Variants in CDH13 observed in about 807,000 individuals in gnomAD.
CDH13 encodes the protein cadherin-13.
CDH13 carries 24 observed loss-of-function variants against 63.8 expected under a neutral mutation model. That is an observed-to-expected ratio of 0.38 (90% CI 0.27 to 0.53). The LOEUF is 0.53. Among genes scored for constraint, CDH13 ranks in the 20% least tolerant of loss-of-function variants. The probability of loss-of-function intolerance (pLI) is 0.85; values close to 1 mark genes in which losing one functional copy is unlikely to be tolerated. For synonymous variants in CDH13, 503 were observed against 355.3 expected, an observed-to-expected ratio of 1.42 and a Z score of -4.67; for missense variants, 1,049 against 903.1, an observed-to-expected ratio of 1.16 and a Z score of -2.07.
At chr16:83,335,872 T>G (rs77343960) in intron 5 of CDH13, among the ~76,000 whole-genome samples, 1 of 152,112 alleles carries the variant, frequency 6.6e-6, no homozygotes. Flanking sequence ...AATTGCTCAC[T>G]TGGGGGGCTT....
intron 6 of CDH13, among the ~76,000 whole-genome samples, chr16:83,462,699 TAAGTC>T (rs1231375855): frequency 6.6e-5 from 10 of 152,140 alleles, no homozygotes; most frequent in African/African-American, 2.2e-4. Flanking sequence ...GAGGTTGCAG[TAAGTC>T]AAGATCATGC....
At chr16:83,384,249 A>C (rs2091628117) in intron 6 of CDH13, among the ~76,000 whole-genome samples, 1 of 152,148 alleles carries the variant, frequency 6.6e-6, no homozygotes, top group Admixed American at 6.5e-5. Context: ...TGATTTGATG[A>C]AATCACATGA....
intron 6 of CDH13, among the ~76,000 whole-genome samples, chr16:83,355,493 A>G (rs1597818588): frequency 2.0e-5 from 3 of 152,288 alleles, no homozygotes; most frequent in African/African-American, 7.2e-5. Flanking sequence ...CAAATTATCC[A>G]CCCAATAAAT....
chr16:82,900,002 G>A, intron 2 of CDH13, among the ~76,000 whole-genome samples: 2 of 152,174 alleles, frequency 1.3e-5, no homozygotes, highest in African/African-American at 4.8e-5. Context: ...GTGAGGTCTG[G>A]CTCTCCCATG....
intron 4 of CDH13, among the ~76,000 whole-genome samples, chr16:83,197,485 G>T (rs546630062): frequency 6.6e-6 from 1 of 152,190 alleles, no homozygotes; most frequent in East Asian, 1.9e-4. Context: ...CAAATACTGG[G>T]TTTTATTCAT....
At chr16:83,385,174 A>C (rs1485283976) in intron 6 of CDH13, among the ~76,000 whole-genome samples, 1 of 152,228 alleles carries the variant, frequency 6.6e-6, no homozygotes, top group Non-Finnish European at 1.5e-5. Flanking sequence ...CAAAGTATAA[A>C]ATTCTTTAGA....
chr16:82,765,669 A>T (rs1345280682), intron 1 of CDH13, among the ~76,000 whole-genome samples: 1 of 152,194 alleles, frequency 6.6e-6, no homozygotes, highest in Non-Finnish European at 1.5e-5. Context: ...ATGAAAAAGC[A>T]TTCTAAGGGA....
intron 6 of CDH13, among the ~76,000 whole-genome samples, chr16:83,482,752 G>T (rs138174626): frequency 3.3e-5 from 5 of 152,300 alleles, no homozygotes; most frequent in African/African-American, 9.6e-5. Context: ...GAATGTGTGT[G>T]TGCACGTGTG....
intron 1 of CDH13, among the ~76,000 whole-genome samples, chr16:82,701,532 T>C (rs1219036145): frequency 6.6e-6 from 1 of 152,170 alleles, no homozygotes; most frequent in Non-Finnish European, 1.5e-5. Context: ...TGGAGTTGAT[T>C]TAGCTTTCAT....
chr16:82,987,938 T>A lies in CDH13; in HGVS notation c.158-44072T>A, dbSNP rs1597364183. 1.3e-5 allele frequency among the ~76,000 whole-genome samples: 2 copies of A among 152,330 alleles called. 1 individual carries two copies. The highest frequency in any genetic ancestry group is 6.8e-3 in the Middle Eastern group (2 of 294). On this transcript the variant is annotated intron_variant, in intron 2 of 13. Coordinates refer to ENST00000567109, the MANE Select transcript of CDH13 (RefSeq NM_001257.5). ...TCTCCCTTTGAAGTGTTCATCATGATCTGATGAGTCAACAGTGCCTCGTCT... is the reference window on the plus strand; with the variant it reads ...TCTCCCTTTGAAGTGTTCATCATGAACTGATGAGTCAACAGTGCCTCGTCT...
chr16:83,589,982 A>G (rs1906574712), intron 7 of CDH13, among the ~76,000 whole-genome samples: 1 of 152,230 alleles, frequency 6.6e-6, no homozygotes, highest in Admixed American at 6.5e-5. Context: ...AGGGTACAGC[A>G]TAAGCCAAGC....
At position 83,719,302 on chromosome 16, in the gene CDH13, A is replaced by G. The variant is rs74642574; in HGVS notation, c.1539-28806A>G. ...GAGGGACCACTGCGTACCAGACCCT[A>G]TGTGGGATCTGTGAAGTCTATTACC... is the stretch of plus-strand genomic sequence containing the variant. On this transcript the variant is annotated intron_variant, in intron 10 of 13. Transcript: ENST00000567109. 9.9e-3 allele frequency among the ~76,000 whole-genome samples: 1,501 copies of G among 152,274 alleles called. 6 individuals are homozygous for G. The highest frequency in any genetic ancestry group is 0.017 in the Non-Finnish European group (1,185 of 68,016).
At chr16:83,332,970 A>G (rs1484447305) in intron 5 of CDH13, among the ~76,000 whole-genome samples, 41 of 152,232 alleles carry the variant, frequency 2.7e-4, no homozygotes, top group Admixed American at 2.7e-3. Context: ...ACCTCTAAGC[A>G]GAGCAGGATT....
At chr16:83,502,263 C>A (rs1392509381) in intron 7 of CDH13, among the ~76,000 whole-genome samples, 6 of 151,978 alleles carry the variant, frequency 3.9e-5, no homozygotes, top group Non-Finnish European at 1.5e-5. Flanking sequence ...ATCACAGGGT[C>A]TTAATAAGGG....
In CDH13 at chr16:83,633,403, A is replaced by G. The variant is rs541482744; in HGVS notation, c.1101+30809A>G. Among the ~76,000 whole-genome samples, 16 of 152,338 alleles carry G rather than the reference A, an allele frequency of 1.1e-4. No individual in the cohort carries two copies. The South Asian group carries it at 3.3e-3, about 32-fold the overall frequency. On this transcript the variant is annotated intron_variant, in intron 8 of 13. Coordinates refer to ENST00000567109, the MANE Select transcript of CDH13 (RefSeq NM_001257.5). ...GTTTGACCTCACCGTAGAAGAGCACATCTGAAGTTAGTTTTGAACATATTG... is the reference window on the plus strand; with the variant it reads ...GTTTGACCTCACCGTAGAAGAGCACGTCTGAAGTTAGTTTTGAACATATTG...
chr16:82,935,214 A>G (rs1023490075), intron 2 of CDH13, among the ~76,000 whole-genome samples: 2 of 152,196 alleles, frequency 1.3e-5, no homozygotes, highest in African/African-American at 4.8e-5. Flanking sequence ...AGCAAGATGG[A>G]GAAGTGCAGA....
chr16:83,077,700 T>C (rs2032945477), intron 3 of CDH13, among the ~76,000 whole-genome samples: 1 of 152,206 alleles, frequency 6.6e-6, no homozygotes. Context: ...TGTATAGACC[T>C]GTTTTTCTTT....
intron 6 of CDH13, among the ~76,000 whole-genome samples, chr16:83,446,314 A>G (rs911494172): frequency 6.6e-6 from 1 of 151,676 alleles, no homozygotes; most frequent in Non-Finnish European, 1.5e-5. Flanking sequence ...AAAAAAAAAA[A>G]AAGAAAGAAA....
At chr16:82,683,562 T>C (rs1353471519) in intron 1 of CDH13, among the ~76,000 whole-genome samples, 2 of 152,162 alleles carry the variant, frequency 1.3e-5, no homozygotes, top group Non-Finnish European at 2.9e-5. Context: ...CACACAAATA[T>C]AGTTGGACCA....
Sources: gnomAD v4.1 joint callset for allele counts (sites outside exome capture counted in the v4.1 genomes callset) on GRCh38, gnomAD v4.1.1 for gene constraint, MANE v1.5 for transcripts, NCBI Gene and HGNC (gene_info 2026-07-23, HGNC 2026-07-21) for gene names.